Variants in ZBTB20 observed in about 807,000 individuals in gnomAD.
ZBTB20 encodes zinc finger and BTB domain-containing protein 20.
A neutral mutation model predicts 56.9 loss-of-function variants in ZBTB20; 9 were observed. That is an observed-to-expected ratio of 0.16 (90% confidence interval 0.10 to 0.28). ZBTB20 has a LOEUF of 0.28. Among genes scored for constraint, ZBTB20 ranks in the 10% least tolerant of loss-of-function variants. The pLI, the probability that ZBTB20 is intolerant of heterozygous loss-of-function variation, is 1.00. For synonymous variants in ZBTB20, 417 were observed against 420.7 expected (o/e 0.99, Z 0.11); for missense variants, 655 against 1,003.0 (o/e 0.65, Z 4.69).
chr3:114,930,947 A>G (rs2076336168), intron 3 of ZBTB20: 2 of 187,446 alleles, frequency 1.1e-5, no homozygotes, highest in Non-Finnish European at 2.5e-5. Context: ...GACGCTATCC[A>G]TGTGGTCCTC....
chr3:114,771,064 A>C (rs2108741903), intron 5 of ZBTB20, among the ~76,000 whole-genome samples: 1 of 152,320 alleles, frequency 6.6e-6, no homozygotes, highest in South Asian at 2.1e-4. Context: ...GAGTCAGCCC[A>C]TATATGACTT....
intron 7 of ZBTB20, among the ~76,000 whole-genome samples, chr3:114,490,483 A>G (rs1335837692): frequency 6.6e-6 from 1 of 152,064 alleles, no homozygotes; most frequent in Non-Finnish European, 1.5e-5. Context: ...GGCCTCCCAA[A>G]GTGTTGGGAT....
At chr3:115,048,633 T>A (rs1254538565) in intron 2 of ZBTB20, among the ~76,000 whole-genome samples, 1 of 152,164 alleles carries the variant, frequency 6.6e-6, no homozygotes, top group East Asian at 1.9e-4. Context: ...ACAAAATGAA[T>A]CAAATTCACA....
chr3:114,546,133 A>G (rs1325129601), intron 6 of ZBTB20, among the ~76,000 whole-genome samples: 1 of 152,220 alleles, frequency 6.6e-6, no homozygotes, highest in Non-Finnish European at 1.5e-5. Flanking sequence ...AAATCGGTAC[A>G]TCTTACACAG....
chr3:115,009,507 G>A (rs1448403070), intron 2 of ZBTB20, among the ~76,000 whole-genome samples: 1 of 151,886 alleles, frequency 6.6e-6, no homozygotes, highest in Non-Finnish European at 1.5e-5. Context: ...GAGCTGGCAA[G>A]TAGAGGTTAC....
intron 3 of ZBTB20, among the ~76,000 whole-genome samples, chr3:114,928,279 G>A (rs1289164928): frequency 6.6e-6 from 1 of 152,208 alleles, no homozygotes; most frequent in Non-Finnish European, 1.5e-5. Flanking sequence ...TTTCTAAGTC[G>A]AAGGCTGCAG....
intron 6 of ZBTB20, among the ~76,000 whole-genome samples, chr3:114,660,877 C>T (rs894077249): frequency 2.0e-5 from 3 of 151,344 alleles, no homozygotes; most frequent in Non-Finnish European, 4.4e-5. Context: ...ATAGATGGGG[C>T]GGGTGGATGG....
chr3:114,823,644 T>C (rs2073369232), intron 4 of ZBTB20, among the ~76,000 whole-genome samples: 1 of 152,072 alleles, frequency 6.6e-6, no homozygotes, highest in Admixed American at 6.6e-5. Flanking sequence ...AAATAAAGGA[T>C]GCAAAAACAT....
intron 5 of ZBTB20, among the ~76,000 whole-genome samples, chr3:114,737,219 A>G (rs1417538993): frequency 1.3e-5 from 2 of 152,204 alleles, no homozygotes; most frequent in Non-Finnish European, 1.5e-5. Context: ...CTAAAGACTT[A>G]GTTGTTTGAA....
intron 7 of ZBTB20, among the ~76,000 whole-genome samples, chr3:114,479,066 TGG>T (rs5851929): frequency 1.0e-4 from 15 of 147,598 alleles, no homozygotes; most frequent in African/African-American, 3.8e-4. Flanking sequence ...GTTCCTCTAT[TGG>T]GGGGGGGCCA....
Position 114,731,795 on chromosome 3 carries a change from C to T in ZBTB20, c.-342-38220G>A, listed in dbSNP as rs531199640. 7.9e-5 allele frequency among the ~76,000 whole-genome samples: 12 copies of T among 151,934 alleles called. No homozygotes were observed. In the South Asian group the frequency reaches 2.3e-3, roughly 29 times the overall value. On this transcript the variant is annotated intron_variant, in intron 5 of 11. Coordinates refer to ENST00000675478, the MANE Select transcript of ZBTB20 (RefSeq NM_001348800.3). ...AGATTAGTAACTAATCCGGCTGTGC[C>T]TAGATTAGTAACTAATCCGGCTGTG... is the stretch of plus-strand genomic sequence containing the variant.
intron 6 of ZBTB20, among the ~76,000 whole-genome samples, chr3:114,611,648 G>A (rs2057561019): frequency 6.6e-6 from 1 of 152,102 alleles, no homozygotes; most frequent in Admixed American, 6.6e-5. Flanking sequence ...TGGGGTTGGT[G>A]GGGAAGGAGA....
At chr3:114,836,447 A>T (rs1444557659) in intron 4 of ZBTB20, among the ~76,000 whole-genome samples, 1 of 152,246 alleles carries the variant, frequency 6.6e-6, no homozygotes, top group Non-Finnish European at 1.5e-5. Flanking sequence ...TAGAATAGCA[A>T]TAATGAGCAC....
chr3:114,690,040 T>C (rs2062604694), intron 6 of ZBTB20, among the ~76,000 whole-genome samples: 1 of 152,192 alleles, frequency 6.6e-6, no homozygotes, highest in South Asian at 2.1e-4. Context: ...TTTGTATTGT[T>C]TATACCATCT....
intron 4 of ZBTB20, among the ~76,000 whole-genome samples, chr3:114,808,826 C>T (rs575068470): frequency 6.6e-6 from 1 of 152,096 alleles, no homozygotes; most frequent in African/African-American, 2.4e-5. Flanking sequence ...CATTTCATTT[C>T]CACTTAAAGG....
rs138023220 is a variant in ZBTB20, at chr3:114,891,608, T to C, written c.-417+8696A>G. ...AAACTTTGTAACATAAGCTATAAAATGTAAGTAAATATATTGTCTTTACCA... is the reference window on the plus strand; with the variant it reads ...AAACTTTGTAACATAAGCTATAAAACGTAAGTAAATATATTGTCTTTACCA... On this transcript the variant is annotated intron_variant, in intron 4 of 11. Transcript: ENST00000675478. Among the ~76,000 whole-genome samples the C allele has an allele frequency of 2.6e-3, 391 of 152,354 alleles. 1 individual carries two copies. The highest frequency in any genetic ancestry group is 9.0e-3 in the African/African-American group (375 of 41,578).
At chr3:115,129,673 T>C (rs1408262426) in intron 1 of ZBTB20, among the ~76,000 whole-genome samples, 1 of 152,204 alleles carries the variant, frequency 6.6e-6, no homozygotes, top group African/African-American at 2.4e-5. Flanking sequence ...GGCCATTTAA[T>C]AAGTCAAAAC....
chr3:114,492,452 A>T (rs1455638372), intron 7 of ZBTB20, among the ~76,000 whole-genome samples: 1 of 152,162 alleles, frequency 6.6e-6, no homozygotes, highest in African/African-American at 2.4e-5. Context: ...ATAAGCCCCA[A>T]ACCAGGAGTC....
chr3:114,599,618 T>C (rs1045535599), intron 6 of ZBTB20, among the ~76,000 whole-genome samples: 3 of 152,132 alleles, frequency 2.0e-5, no homozygotes, highest in Non-Finnish European at 4.4e-5. Context: ...ATAATTTTTA[T>C]AGCTAACTCT....
Sources: allele counts gnomAD v4.1 joint callset (sites outside exome capture counted in the v4.1 genomes callset), GRCh38; gene constraint gnomAD v4.1.1; transcripts MANE v1.5; gene names NCBI Gene and HGNC (gene_info 2026-07-23, HGNC 2026-07-21).